Variants in COL4A1 observed in about 807,000 individuals in gnomAD.
COL4A1 encodes the protein collagen type IV alpha 1 chain.
Under a neutral mutation model 216.6 loss-of-function variants are expected in COL4A1, and 40 were observed. That is an observed-to-expected ratio of 0.18 (90% CI 0.14 to 0.24). COL4A1 has a LOEUF of 0.24. Among genes scored for constraint, COL4A1 ranks in the 10% least tolerant of loss-of-function variants. The pLI is 1.00. For missense variants in COL4A1, 1,628 were observed against 2,196.8 expected (o/e 0.74, Z 5.18); for synonymous variants, 839 against 810.7 (o/e 1.03, Z -0.59).
At chr13:110,166,819 GC>G (rs1566344046) in intron 44 of COL4A1, among the ~76,000 whole-genome samples, 1 of 152,120 alleles carries the variant, frequency 6.6e-6, no homozygotes, top group Non-Finnish European at 1.5e-5. Flanking sequence ...ATCTGACTCA[GC>G]AGTAAAAACT....
intron 10 of COL4A1, among the ~76,000 whole-genome samples, 161 bp from the exon 11 acceptor site, chr13:110,209,588 C>G (rs868058819): frequency 6.6e-6 from 1 of 152,322 alleles, no homozygotes; most frequent in South Asian, 2.1e-4. Flanking sequence ...CTAGCAGGTG[C>G]AGGACCCTCA....
At chr13:110,269,522 G>C (rs903267804) in intron 1 of COL4A1, among the ~76,000 whole-genome samples, 1 of 152,092 alleles carries the variant, frequency 6.6e-6, no homozygotes, top group African/African-American at 2.4e-5. Flanking sequence ...TATTTATGAT[G>C]ATCAGTGTCA....
rs201481886 is a variant in COL4A1 at position 110,205,415 on chromosome 13, G to A, written c.904-9C>T. 2,456 of 1,614,122 alleles carry A rather than the reference G, an allele frequency of 1.5e-3. 6 individuals carry two copies. The highest frequency in any genetic ancestry group is 5.1e-3 in the East Asian group (229 of 44,882). On this transcript the variant is annotated splice_polypyrimidine_tract_variant and intron_variant, in intron 16 of 51. Coordinates refer to ENST00000375820, the MANE Select transcript of COL4A1 (RefSeq NM_001845.6). ...GGTTCACCAGGAAAACCCTGAAACC[G>A]AAGAGAGAAGCAGTAACCGTCAGAG...
chr13:110,267,705 T>C (rs1161589916), intron 1 of COL4A1, among the ~76,000 whole-genome samples: 2 of 152,250 alleles, frequency 1.3e-5, no homozygotes, highest in South Asian at 2.1e-4. Flanking sequence ...GAGTAGATAA[T>C]AGCTATGATA....
rs139026432 is a variant in COL4A1, at chr13:110,151,942, C to A, written c.4928+392G>T. ...ACCTTGTGAAGTCACTCAGAACTTACACAAAGTGTACATTACGATCAGTGT... is the reference window on the plus strand; with the variant it reads ...ACCTTGTGAAGTCACTCAGAACTTAAACAAAGTGTACATTACGATCAGTGT... On this transcript the variant is annotated intron_variant, in intron 51 of 51. Transcript: ENST00000375820. Among the ~76,000 whole-genome samples the A allele has an allele frequency of 1.4e-3, 210 of 152,312 alleles. 1 individual carries two copies. The highest frequency in any genetic ancestry group is 3.4e-3 in the Middle Eastern group (1 of 294).
At chr13:110,192,726 C>T (rs1594566621) in intron 23 of COL4A1, 104 bp downstream of exon 23, 2 of 923,378 alleles carry the variant, frequency 2.2e-6, no homozygotes, top group Middle Eastern at 3.2e-4. Flanking sequence ...TTAGGATTGG[C>T]TGCCGAAAAT....
chr13:110,155,504 G>A (rs888635428), intron 49 of COL4A1, 107 bp from the exon 50 acceptor site: 7 of 757,102 alleles, frequency 9.2e-6, no homozygotes, highest in African/African-American at 8.6e-5. Context: ...AGTCTTTCTG[G>A]TCCAATTACA....
At chr13:110,198,443 T>A in intron 21 of COL4A1, 24 bp downstream of exon 21, 1 of 1,612,942 alleles carries the variant, frequency 6.2e-7, no homozygotes, top group South Asian at 1.1e-5. Flanking sequence ...CACCCCACAT[T>A]AAACCATTTC....
chr13:110,237,564 G>C (rs1170070486), intron 2 of COL4A1, among the ~76,000 whole-genome samples: 1 of 152,138 alleles, frequency 6.6e-6, no homozygotes, highest in African/African-American at 2.4e-5. Flanking sequence ...ATACCACCAA[G>C]TGGAAAAAGC....
chr13:110,217,423 T>C (rs567532507), intron 2 of COL4A1, among the ~76,000 whole-genome samples: 2 of 152,204 alleles, frequency 1.3e-5, no homozygotes, highest in East Asian at 3.9e-4. Flanking sequence ...ATGTGCACAG[T>C]TAGAGTCAGG....
At position 110,297,992 on chromosome 13, in the gene COL4A1, A is replaced by G. The variant is rs913890874; in HGVS notation, c.84+8952T>C. ...TGGCTTCTCGCCTAGGACAATACCC[A>G]AAGTTATTTATGTTTTAAATAAATG... On this transcript the variant is annotated intron_variant, in intron 1 of 51. Coordinates refer to ENST00000375820, the MANE Select transcript of COL4A1 (RefSeq NM_001845.6). 7.9e-5 allele frequency among the ~76,000 whole-genome samples: 12 copies of G among 152,136 alleles called. 1 individual carries two copies. Among genetic ancestry groups the G allele is most frequent in the Admixed American group, 5.9e-4 (9 of 15,270 alleles).
chr13:110,181,433 G>A, intron 28 of COL4A1, 44 bp from the exon 29 acceptor site: 1 of 1,519,432 alleles, frequency 6.6e-7, no homozygotes, highest in Non-Finnish European at 9.1e-7. Flanking sequence ...AACAATCATT[G>A]CGATTACAAT....
Position 110,174,711 on chromosome 13 carries a change from T to C in COL4A1, c.3237A>G (p.Gly1079=), listed in dbSNP as rs1475853078. Residue 1079 remains glycine, a synonymous_variant, in exon 38 of 52, where the codon GGA becomes GGG. Coordinates refer to ENST00000375820, the MANE Select transcript of COL4A1 (RefSeq NM_001845.6). ...QGIAGFPGSP[G]EKGEKGSIGI... is the part of the protein sequence containing the mutation. The stretch of plus-strand genomic sequence containing the variant: ...CAATGCTTCCTTTTTCTCCCTTCTC[T>C]CCAGGGCTTCCTGGGAAACCCGCTA... The C allele has an allele frequency of 6.2e-7, 1 of 1,613,780 alleles. No individual in the cohort carries two copies. Among genetic ancestry groups the C allele is most frequent in the Admixed American group, 1.7e-5 (1 of 60,012 alleles).
intron 2 of COL4A1, among the ~76,000 whole-genome samples, chr13:110,229,475 T>G (rs1263791113): frequency 2.7e-4 from 41 of 152,110 alleles, no homozygotes; most frequent in Non-Finnish European, 1.5e-5. Flanking sequence ...CTGGGATGCA[T>G]TTTGTCGCCA....
chr13:110,151,892 T>A (rs538159365), intron 51 of COL4A1, among the ~76,000 whole-genome samples: 1 of 152,306 alleles, frequency 6.6e-6, no homozygotes, highest in South Asian at 2.1e-4. Flanking sequence ...GAAATTAATT[T>A]TTATTTGCAC....
chr13:110,251,363 G>C (rs1882065075), intron 1 of COL4A1, among the ~76,000 whole-genome samples: 1 of 152,364 alleles, frequency 6.6e-6, no homozygotes, highest in East Asian at 1.9e-4. Flanking sequence ...GAGTGGGTGG[G>C]GCAGGGGAAG....
chr13:110,208,994 ATAGCTT>A, intron 11 of COL4A1, 104 bp from the exon 12 acceptor site: 14 of 1,194,248 alleles, frequency 1.2e-5, no homozygotes, highest in Non-Finnish European at 1.8e-5. Flanking sequence ...ATTTCAGGCA[ATAGCTT>A]TGTCCCATAA....
chr13:110,256,643 GTA>G (rs1342827282), intron 1 of COL4A1, among the ~76,000 whole-genome samples: 3 of 152,192 alleles, frequency 2.0e-5, no homozygotes, highest in African/African-American at 7.2e-5. Context: ...AAGCCCTGGT[GTA>G]TTTACAGGTG....
intron 1 of COL4A1, among the ~76,000 whole-genome samples, chr13:110,249,208 AG>A (rs1445786241): frequency 6.6e-6 from 1 of 152,122 alleles, no homozygotes; most frequent in Non-Finnish European, 1.5e-5. Context: ...GGTAGGGACA[AG>A]GGAGGTTTCT....
Sources: gnomAD v4.1 joint callset for allele counts (sites outside exome capture counted in the v4.1 genomes callset) on GRCh38, gnomAD v4.1.1 for gene constraint, MANE v1.5 for transcripts, NCBI Gene and HGNC (gene_info 2026-07-23, HGNC 2026-07-21) for gene names.